The following SGCZ variants were observed in gnomAD, a reference collection of about 807,000 sequenced individuals.
The protein encoded by SGCZ is zeta-sarcoglycan.
A neutral mutation model predicts 41.3 loss-of-function variants in SGCZ; 40 were observed. That is an observed-to-expected ratio of 0.97 (90% CI 0.75 to 1.26). SGCZ has a LOEUF of 1.26. Among genes scored for constraint, SGCZ ranks in the 50% most tolerant of loss-of-function variants. SGCZ has a pLI of 0.00. For synonymous variants in SGCZ, 206 were observed against 137.5 expected (o/e 1.50, Z -3.49); for missense variants, 552 against 369.8 (o/e 1.49, Z -4.04).
chr8:14,340,233 G>T (rs1037637892), intron 2 of SGCZ, among the ~76,000 whole-genome samples: 31 of 151,908 alleles, frequency 2.0e-4, no homozygotes, highest in African/African-American at 7.5e-4. Context: ...TTCTTCCCAT[G>T]TTGCTAACAC....
rs117728300 is a variant in SGCZ, at chr8:14,108,469, G to A, written c.548-234C>T. Among the ~76,000 whole-genome samples the A allele has an allele frequency of 2.4e-3, 361 of 152,278 alleles. 2 individuals carry two copies. In the East Asian group the frequency reaches 0.025, roughly 11 times the overall value. On this transcript the variant is annotated intron_variant, in intron 5 of 7. Transcript: ENST00000382080. The stretch of plus-strand genomic sequence containing the variant: ...TGGGGAGCCCTCAGAATCATGGCGG[G>A]AGGCAACAGGCACTTCATACATCGC...
At chr8:14,737,209 G>C (rs558802046) in intron 1 of SGCZ, among the ~76,000 whole-genome samples, 1 of 149,708 alleles carries the variant, frequency 6.7e-6, no homozygotes, top group African/African-American at 2.5e-5. Context: ...TGGGATAAAT[G>C]ATATTTTTCT....
intron 1 of SGCZ, among the ~76,000 whole-genome samples, chr8:15,174,003 T>G (rs1473746101): frequency 1.3e-5 from 2 of 152,186 alleles, no homozygotes; most frequent in African/African-American, 4.8e-5. Context: ...ATTACAGGTG[T>G]GAGCCACTGC....
intron 1 of SGCZ, among the ~76,000 whole-genome samples, chr8:14,961,161 G>A (rs1800953757): frequency 6.6e-6 from 1 of 152,090 alleles, no homozygotes; most frequent in Non-Finnish European, 1.5e-5. Context: ...CTTTTTGTCT[G>A]CTAATGAGCT....
Position 15,205,447 on chromosome 8 carries a change from T to A in SGCZ, c.39+32138A>T, listed in dbSNP as rs143675983. Among the ~76,000 whole-genome samples, 450 of 152,182 alleles carry A rather than the reference T, an allele frequency of 3.0e-3. 1 individual carries two copies. Among genetic ancestry groups the A allele is most frequent in the African/African-American group, 0.011 (437 of 41,522 alleles). ...CCTATTAAAAAGTGGGCAAAGGACA[T>A]GAACAGACACCTACCAAAGGAAAAC... On this transcript the variant is annotated intron_variant, in intron 1 of 7. Coordinates refer to ENST00000382080, the MANE Select transcript of SGCZ (RefSeq NM_139167.4).
chr8:15,213,838 T>A (rs938399819), intron 1 of SGCZ, among the ~76,000 whole-genome samples: 1 of 151,972 alleles, frequency 6.6e-6, no homozygotes, highest in South Asian at 2.1e-4. Flanking sequence ...GAGGAGAATA[T>A]GTTCTAATTT....
intron 1 of SGCZ, among the ~76,000 whole-genome samples, chr8:14,906,600 G>C (rs996724735): frequency 2.0e-5 from 3 of 152,084 alleles, no homozygotes; most frequent in Admixed American, 6.5e-5. Context: ...CATCATTCTA[G>C]AAAAGAACAA....
intron 2 of SGCZ, among the ~76,000 whole-genome samples, chr8:14,437,269 A>C (rs1800120263): frequency 6.6e-6 from 1 of 152,180 alleles, no homozygotes; most frequent in Non-Finnish European, 1.5e-5. Context: ...GAAAATATTT[A>C]ATGAAATAAT....
At chr8:14,572,522 CCCTTTTTTATAAAG>C in intron 1 of SGCZ, among the ~76,000 whole-genome samples, 1 of 152,130 alleles carries the variant, frequency 6.6e-6, no homozygotes, top group East Asian at 1.9e-4. Flanking sequence ...TTATTATTAT[CCCTTTTTTATAAAG>C]TAAGGAAAAT....
chr8:14,377,202 A>G (rs1379449101), intron 2 of SGCZ, among the ~76,000 whole-genome samples: 1 of 152,202 alleles, frequency 6.6e-6, no homozygotes, highest in Non-Finnish European at 1.5e-5. Flanking sequence ...GTAATCACCA[A>G]GAGCCAATGA....
intron 1 of SGCZ, among the ~76,000 whole-genome samples, chr8:14,969,834 A>C (rs1425954819): frequency 1.3e-5 from 2 of 152,094 alleles, no homozygotes; most frequent in Non-Finnish European, 2.9e-5. Context: ...TGATATAGAC[A>C]TTTATGTGCA....
intron 1 of SGCZ, among the ~76,000 whole-genome samples, chr8:15,025,165 C>A (rs1287904648): frequency 6.6e-6 from 1 of 151,980 alleles, no homozygotes; most frequent in African/African-American, 2.4e-5. Context: ...ATAGTCTATT[C>A]TAAGTTTAGA....
At chr8:14,264,066 T>C (rs551243573) in intron 3 of SGCZ, among the ~76,000 whole-genome samples, 1 of 152,318 alleles carries the variant, frequency 6.6e-6, no homozygotes, top group East Asian at 1.9e-4. Flanking sequence ...TATGGTCTCA[T>C]GTTCCAGCCA....
At chr8:14,193,834 G>A (rs148724006) in intron 4 of SGCZ, among the ~76,000 whole-genome samples, 16 of 151,760 alleles carry the variant, frequency 1.1e-4, no homozygotes, top group Non-Finnish European at 2.2e-4. Context: ...TGTTGTAAAC[G>A]CTTTTGGTTT....
At chr8:15,049,313 T>A (rs1804430692) in intron 1 of SGCZ, among the ~76,000 whole-genome samples, 1 of 151,656 alleles carries the variant, frequency 6.6e-6, no homozygotes. Flanking sequence ...TAAGGAGGAG[T>A]TTGGTCTATT....
chr8:14,525,680 A>C (rs532166663), intron 2 of SGCZ, among the ~76,000 whole-genome samples: 8 of 152,214 alleles, frequency 5.3e-5, no homozygotes, highest in African/African-American at 1.9e-4. Context: ...AATTTAAACC[A>C]AATTAGTGGG....
chr8:14,707,364 T>G lies in SGCZ; in HGVS notation c.40-152438A>C, dbSNP rs150638097. Among the ~76,000 whole-genome samples the G allele has an allele frequency of 1.1e-3, 173 of 152,174 alleles. 1 individual carries two copies. The East Asian group carries it at 0.013, about 11-fold the overall frequency. On this transcript the variant is annotated intron_variant, in intron 1 of 7. Coordinates refer to ENST00000382080, the MANE Select transcript of SGCZ (RefSeq NM_139167.4). ...CCATTAGAAAATTTAACAAACGATGTTAGTAATGGAAAATGTTTTAGAAAC... is the reference window on the plus strand; with the variant it reads ...CCATTAGAAAATTTAACAAACGATGGTAGTAATGGAAAATGTTTTAGAAAC...
intron 2 of SGCZ, among the ~76,000 whole-genome samples, chr8:14,348,257 T>C (rs1484176657): frequency 6.6e-6 from 1 of 152,058 alleles, no homozygotes; most frequent in Non-Finnish European, 1.5e-5. Flanking sequence ...TTTAAATCTC[T>C]CCACTCACAC....
intron 5 of SGCZ, among the ~76,000 whole-genome samples, chr8:14,142,747 C>T (rs1450778655): frequency 6.6e-6 from 1 of 152,134 alleles, no homozygotes; most frequent in Non-Finnish European, 1.5e-5. Context: ...GGTGGCTTCT[C>T]ATGGTCTAGC....
Sources: gnomAD v4.1 joint callset for allele counts (sites outside exome capture counted in the v4.1 genomes callset) on GRCh38, gnomAD v4.1.1 for gene constraint, MANE v1.5 for transcripts, NCBI Gene and HGNC (gene_info 2026-07-23, HGNC 2026-07-21) for gene names.